The following FSTL5 variants were observed in gnomAD, a reference collection of about 807,000 sequenced individuals.
The protein encoded by FSTL5 is follistatin like 5.
In FSTL5, 62 loss-of-function variants were observed where a neutral mutation model predicts 89.1. The observed-to-expected ratio is 0.70, with a 90% confidence interval of 0.57 to 0.86. The LOEUF is 0.86. Ranked by LOEUF, FSTL5 falls within the 40% of genes least tolerant of loss-of-function variation. The pLI is 0.00. For missense variants in FSTL5, 1,057 were observed against 1,001.6 expected (o/e 1.06, Z -0.75); for synonymous variants, 383 against 346.2 (o/e 1.11, Z -1.18).
At chr4:162,092,864 AC>A (rs1730600072) in intron 2 of FSTL5, among the ~76,000 whole-genome samples, 2 of 148,964 alleles carry the variant, frequency 1.3e-5, no homozygotes, top group South Asian at 4.3e-4. Flanking sequence ...CAGGAGAATC[AC>A]TTGTACCGGG....
At chr4:161,560,694 TC>T (rs1446254887) in intron 8 of FSTL5, among the ~76,000 whole-genome samples, 1 of 151,710 alleles carries the variant, frequency 6.6e-6, no homozygotes, top group East Asian at 2.0e-4. Context: ...GTAGGTCCTG[TC>T]TTTATCTATA....
intron 11 of FSTL5, among the ~76,000 whole-genome samples, chr4:161,509,965 GT>G (rs1730599839): frequency 6.6e-6 from 1 of 152,070 alleles, no homozygotes; most frequent in Non-Finnish European, 1.5e-5. Flanking sequence ...TTGCCCTATT[GT>G]TTGTAAACTT....
intron 6 of FSTL5, among the ~76,000 whole-genome samples, chr4:161,658,331 C>A (rs980712491): frequency 2.0e-5 from 3 of 151,930 alleles, no homozygotes; most frequent in Admixed American, 1.3e-4. Context: ...TTGTGGCTCA[C>A]GCCTGTAGTC....
intron 12 of FSTL5, among the ~76,000 whole-genome samples, chr4:161,497,698 T>G (rs548447921): frequency 1.3e-5 from 2 of 151,998 alleles, no homozygotes; most frequent in Non-Finnish European, 2.9e-5. Context: ...TAACTTCATA[T>G]TCTATAATAT....
At chr4:161,519,535 C>CA (rs1730955771) in intron 10 of FSTL5, among the ~76,000 whole-genome samples, 1 of 151,854 alleles carries the variant, frequency 6.6e-6, no homozygotes, top group Non-Finnish European at 1.5e-5. Flanking sequence ...CAAAACAAAA[C>CA]AAAACAAAAC....
intron 4 of FSTL5, among the ~76,000 whole-genome samples, chr4:161,828,468 C>G (rs1172721448): frequency 6.6e-6 from 1 of 152,148 alleles, no homozygotes; most frequent in East Asian, 1.9e-4. Context: ...GCAATTTAGT[C>G]CTGCCTTCTA....
intron 6 of FSTL5, among the ~76,000 whole-genome samples, chr4:161,737,183 T>TGTTTA (rs1337783762): frequency 3.3e-5 from 5 of 152,138 alleles, no homozygotes; most frequent in Non-Finnish European, 7.4e-5. Flanking sequence ...TCTATTCCAG[T>TGTTTA]GTTTAGTTCT....
chr4:161,921,270 G>A (rs928143345), intron 3 of FSTL5, among the ~76,000 whole-genome samples: 1 of 152,098 alleles, frequency 6.6e-6, no homozygotes, highest in Non-Finnish European at 1.5e-5. Flanking sequence ...TTTGCCACCT[G>A]ACAATCACTG....
At chr4:161,800,651 T>A (rs1729762402) in intron 4 of FSTL5, among the ~76,000 whole-genome samples, 1 of 151,624 alleles carries the variant, frequency 6.6e-6, no homozygotes, top group Admixed American at 6.6e-5. Context: ...AAATTACCCC[T>A]TCTAAGTGAC....
chr4:161,405,747 T>A (rs546251972), intron 15 of FSTL5, among the ~76,000 whole-genome samples: 1 of 152,236 alleles, frequency 6.6e-6, no homozygotes, highest in East Asian at 1.9e-4. Flanking sequence ...TAACATTTTA[T>A]AACCAAACTG....
At chr4:161,735,071 T>C (rs1173438160) in intron 6 of FSTL5, among the ~76,000 whole-genome samples, 1 of 152,186 alleles carries the variant, frequency 6.6e-6, no homozygotes, top group East Asian at 1.9e-4. Flanking sequence ...TCCATGTTGT[T>C]TTACCTGGGC....
chr4:161,829,387 G>A (rs1354664237), intron 4 of FSTL5, among the ~76,000 whole-genome samples: 2 of 150,982 alleles, frequency 1.3e-5, no homozygotes, highest in Non-Finnish European at 3.0e-5. Flanking sequence ...GTGAATAGAA[G>A]GAGTTCTGCT....
intron 1 of FSTL5, among the ~76,000 whole-genome samples, chr4:162,161,359 A>C (rs911706728): frequency 5.3e-5 from 8 of 151,904 alleles, no homozygotes; most frequent in Admixed American, 4.6e-4. Flanking sequence ...TCTGCATTTA[A>C]GTAGTGTCCC....
rs572989164 is a variant in FSTL5 at position 161,473,739 on chromosome 4, C to T, written c.1608+7281G>A. On this transcript the variant is annotated intron_variant, in intron 13 of 15. Transcript: ENST00000306100. ...GAGCCACCACACCAGGCCCTTGTGA[C>T]TTTTTAAGTCTATGGAGACATATAT... Among the ~76,000 whole-genome samples, 3 of 152,124 alleles carry T rather than the reference C, an allele frequency of 2.0e-5. No individual in the cohort carries two copies. In the East Asian group the frequency reaches 5.8e-4, roughly 29 times the overall value.
At chr4:161,592,736 G>A (rs1241341255) in intron 7 of FSTL5, among the ~76,000 whole-genome samples, 4 of 152,102 alleles carry the variant, frequency 2.6e-5, no homozygotes, top group African/African-American at 7.2e-5. Context: ...ATAAACATAC[G>A]TGAGCAAGTG....
rs147544557 is a variant in FSTL5 at position 162,072,873 on chromosome 4, T to C, written c.126+38398A>G. On this transcript the variant is annotated intron_variant, in intron 2 of 15. Transcript: ENST00000306100. ...ATTGGGGTGGACCTCAAGCAAACAC[T>C]AAATCCTCAGTAGAACAAAAAAGGC... 2.5e-3 allele frequency among the ~76,000 whole-genome samples: 379 copies of C among 151,876 alleles called. 1 individual carries two copies. Among genetic ancestry groups the C allele is most frequent in the African/African-American group, 8.5e-3 (354 of 41,490 alleles).
chr4:161,582,581 CT>C, intron 8 of FSTL5, among the ~76,000 whole-genome samples: 1 of 152,128 alleles, frequency 6.6e-6, no homozygotes, highest in Non-Finnish European at 1.5e-5. Flanking sequence ...GAGGAACACA[CT>C]AAAAAAGAGA....
chr4:161,879,944 C>T (rs1254277164), intron 4 of FSTL5, among the ~76,000 whole-genome samples: 2 of 152,172 alleles, frequency 1.3e-5, no homozygotes, highest in African/African-American at 4.8e-5. Context: ...TCACCTGATT[C>T]TCTGATGTTA....
intron 4 of FSTL5, among the ~76,000 whole-genome samples, chr4:161,907,546 A>G (rs1055307523): frequency 6.6e-6 from 1 of 152,134 alleles, no homozygotes; most frequent in African/African-American, 2.4e-5. Context: ...TCTCCTTATA[A>G]TATTCACTGT....
Sources: allele counts gnomAD v4.1 joint callset (sites outside exome capture counted in the v4.1 genomes callset), GRCh38; gene constraint gnomAD v4.1.1; transcripts MANE v1.5; gene names NCBI Gene and HGNC (gene_info 2026-07-23, HGNC 2026-07-21).